Variants in SP4 observed in about 807,000 individuals in gnomAD.
SP4 encodes Sp4 transcription factor, also known as transcription factor Sp4.
Under a neutral mutation model 72.8 loss-of-function variants are expected in SP4, and 19 were observed. The ratio of observed to expected loss-of-function variants is 0.26; its 90% CI spans 0.18 to 0.38. SP4 has a LOEUF of 0.38. SP4 is among the 10% of genes least tolerant of loss of function. The probability of loss-of-function intolerance (pLI) is 1.00; values close to 1 mark genes in which losing one functional copy is unlikely to be tolerated. For synonymous variants in SP4, 395 were observed against 333.1 expected, an observed-to-expected ratio of 1.19 and a Z score of -2.02; for missense variants, 1,008 against 926.3, an observed-to-expected ratio of 1.09 and a Z score of -1.14.
intron 5 of SP4, among the ~76,000 whole-genome samples, chr7:21,500,627 GGAGC>G (rs1271273342): frequency 6.6e-6 from 1 of 152,014 alleles, no homozygotes; most frequent in African/African-American, 2.4e-5. Context: ...CTGGCAGTTG[GGAGC>G]CTCCAGTGTT....
intron 3 of SP4, among the ~76,000 whole-genome samples, chr7:21,474,768 C>G (rs77716221): frequency 6.6e-6 from 1 of 152,204 alleles, no homozygotes; most frequent in Non-Finnish European, 1.5e-5. Flanking sequence ...TTACAACTCT[C>G]ACTTCACTTG....
chr7:21,509,965 T>C (rs1427705796), intron 5 of SP4, among the ~76,000 whole-genome samples: 1 of 152,110 alleles, frequency 6.6e-6, no homozygotes, highest in Non-Finnish European at 1.5e-5. Flanking sequence ...TCACATCTCG[T>C]GTGGATGGTG....
chr7:21,468,959 C>T (rs906570611), intron 3 of SP4, among the ~76,000 whole-genome samples: 1 of 152,136 alleles, frequency 6.6e-6, no homozygotes, highest in Non-Finnish European at 1.5e-5. Context: ...TTTATATATA[C>T]TCCTGTAATT....
At chr7:21,444,299 A>G (rs562737398) in intron 3 of SP4, among the ~76,000 whole-genome samples, 6 of 152,316 alleles carry the variant, frequency 3.9e-5, no homozygotes, top group Admixed American at 3.9e-4. Flanking sequence ...ACAAGAAGTA[A>G]AAGGGTACTT....
rs532641938 is a variant in SP4 at position 21,462,720 on chromosome 7, A to T, written c.1679-14359A>T. On this transcript the variant is annotated intron_variant, in intron 3 of 5. Transcript: ENST00000222584. The stretch of plus-strand genomic sequence containing the variant: ...TTGCAGAATTATGAGAACTGAACTT[A>T]GGGTTACACCTGGTCTTTGGGGGCC... Among the ~76,000 whole-genome samples, 13 of 152,356 alleles carry T rather than the reference A, an allele frequency of 8.5e-5. No individual in the cohort carries two copies. In the South Asian group the frequency reaches 2.7e-3, roughly 32 times the overall value.
At chr7:21,476,203 G>A (rs1784494826) in intron 3 of SP4, among the ~76,000 whole-genome samples, 1 of 150,966 alleles carries the variant, frequency 6.6e-6, no homozygotes, top group Non-Finnish European at 1.5e-5. Flanking sequence ...GAACCCAGGA[G>A]GTGGAGGTTG....
At chr7:21,461,449 C>G (rs534512498) in intron 3 of SP4, among the ~76,000 whole-genome samples, 122 of 152,304 alleles carry the variant, frequency 8.0e-4, no homozygotes, top group African/African-American at 2.8e-3. Context: ...GCTGGGGGAC[C>G]CGGCGCATCC....
Position 21,511,454 on chromosome 7 carries a change from C to A in SP4, c.*185C>A. On this transcript the variant is annotated 3_prime_UTR_variant, in exon 6 of 6. Transcript: ENST00000222584. ...AATTTTAAAAAATACAAAAAGCAGA[C>A]TGATGTACTGGAAACAGAAAAGTAT... 1.8e-6 allele frequency: 1 copy of A among 570,624 alleles called. No homozygotes were observed. The highest frequency in any genetic ancestry group is 3.1e-6 in the Non-Finnish European group (1 of 323,960). The allele number at this position is 570,624 out of a possible 1,614,324, so 35.3% of individuals were successfully genotyped here.
rs1295281767 is a variant in SP4 at position 21,514,547 on chromosome 7, A to G, written c.*3278A>G. ...TTTTTTTTGTAAAAAAAAAAAAATG[A>G]AAAAAAAAGATGAATCCAGAAAAAA... On this transcript the variant is annotated 3_prime_UTR_variant, in exon 6 of 6. Transcript: ENST00000222584. The G allele has an allele frequency of 6.7e-6, 1 of 148,938 alleles. No individual in the cohort carries two copies. Among genetic ancestry groups the G allele is most frequent in the Non-Finnish European group, 1.5e-5 (1 of 66,846 alleles). The allele number at this position is 148,938 out of a possible 1,614,324, so 9.2% of individuals were successfully genotyped here. A position where few individuals can be genotyped will look rare whatever the true frequency, so the allele number is the denominator to read the frequency against.
chr7:21,433,936 T>C (rs918291802), intron 3 of SP4, among the ~76,000 whole-genome samples: 1 of 148,962 alleles, frequency 6.7e-6, no homozygotes, highest in Non-Finnish European at 1.5e-5. Flanking sequence ...AGAACGAAAC[T>C]CCATCTCAAA....
intron 5 of SP4, among the ~76,000 whole-genome samples, chr7:21,487,332 C>CT (rs1784843107): frequency 6.6e-6 from 1 of 150,442 alleles, no homozygotes; most frequent in African/African-American, 2.4e-5. Context: ...GGTCACCTCT[C>CT]TCCCTCTCTC....
chr7:21,453,991 C>G (rs548935964), intron 3 of SP4, among the ~76,000 whole-genome samples: 16 of 152,092 alleles, frequency 1.1e-4, no homozygotes, highest in Non-Finnish European at 1.6e-4. Flanking sequence ...GATATTTTAC[C>G]AAAAGTACAT....
intron 5 of SP4, among the ~76,000 whole-genome samples, chr7:21,491,507 A>G (rs2128413641): frequency 6.6e-6 from 1 of 152,334 alleles, no homozygotes; most frequent in Admixed American, 6.5e-5. Context: ...AATTTGAAGA[A>G]ATAATGGCTG....
intron 3 of SP4, among the ~76,000 whole-genome samples, chr7:21,463,956 A>G (rs1312184247): frequency 6.6e-6 from 1 of 152,150 alleles, no homozygotes; most frequent in Non-Finnish European, 1.5e-5. Context: ...GACTGTCCTC[A>G]TCTGTAAAAT....
chr7:21,513,017 A>C lies in SP4; in HGVS notation c.*1748A>C, dbSNP rs1014140877. ...GTGAAATTGACCATTTGAAAACTAAAAGTTTTTACCTACCTGCTCAATTTA... is the reference window on the plus strand; with the variant it reads ...GTGAAATTGACCATTTGAAAACTAACAGTTTTTACCTACCTGCTCAATTTA... On this transcript the variant is annotated 3_prime_UTR_variant, in exon 6 of 6. Coordinates refer to ENST00000222584, the MANE Select transcript of SP4 (RefSeq NM_003112.5). The C allele has an allele frequency of 6.5e-6, 1 of 152,676 alleles. No homozygotes were observed. Among genetic ancestry groups the C allele is most frequent in the African/African-American group, 2.4e-5 (1 of 41,466 alleles). The allele number at this position is 152,676 out of a possible 1,614,324, so 9.5% of individuals were successfully genotyped here. A position where few individuals can be genotyped will look rare whatever the true frequency, so the allele number is the denominator to read the frequency against.
chr7:21,473,676 A>C (rs576437751), intron 3 of SP4, among the ~76,000 whole-genome samples: 1 of 152,340 alleles, frequency 6.6e-6, no homozygotes, highest in African/African-American at 2.4e-5. Flanking sequence ...ATTTGAACTC[A>C]GACCAGAATA....
chr7:21,465,762 CTGAGGCGGGA>C (rs1464616514), intron 3 of SP4, among the ~76,000 whole-genome samples: 3 of 152,092 alleles, frequency 2.0e-5, no homozygotes, highest in Non-Finnish European at 4.4e-5. Context: ...CTGGAGAGGG[CTGAGGCGGGA>C]TGATTGCTTG....
At chr7:21,449,242 A>G (rs372221003) in intron 3 of SP4, among the ~76,000 whole-genome samples, 1 of 152,250 alleles carries the variant, frequency 6.6e-6, no homozygotes, top group Non-Finnish European at 1.5e-5. Flanking sequence ...GGAAACCACA[A>G]TAAAGGATCT....
intron 3 of SP4, among the ~76,000 whole-genome samples, chr7:21,470,006 C>G (rs1002854850): frequency 8.5e-5 from 13 of 152,066 alleles, no homozygotes; most frequent in African/African-American, 3.1e-4. Flanking sequence ...CTGGGATCTG[C>G]TTCTAAATGA....
Sources: gnomAD v4.1 joint callset for allele counts (sites outside exome capture counted in the v4.1 genomes callset) on GRCh38, gnomAD v4.1.1 for gene constraint, MANE v1.5 for transcripts, NCBI Gene and HGNC (gene_info 2026-07-23, HGNC 2026-07-21) for gene names.